PSMD1: variants seen among roughly 807,000 people sequenced by gnomAD.
PSMD1 encodes proteasome 26S subunit, non-ATPase 1, also known as 26S proteasome non-ATPase regulatory subunit 1.
PSMD1 carries 18 observed loss-of-function variants against 119.0 expected under a neutral mutation model. That is an observed-to-expected ratio of 0.15 (90% CI 0.10 to 0.22). PSMD1 has a LOEUF of 0.22. Among genes scored for constraint, PSMD1 ranks in the 10% least tolerant of loss-of-function variants. The probability of loss-of-function intolerance (pLI) is 1.00; values close to 1 mark genes in which losing one functional copy is unlikely to be tolerated. For missense variants in PSMD1, 702 were observed against 1,158.5 expected (o/e 0.61, Z 5.72); for synonymous variants, 374 against 396.6 (o/e 0.94, Z 0.68).
chr2:231,131,317 A>G (rs1452036436), intron 16 of PSMD1, among the ~76,000 whole-genome samples: 1 of 152,148 alleles, frequency 6.6e-6, no homozygotes, highest in Admixed American at 6.5e-5. Context: ...CGATCTATTC[A>G]TTATATGTTA....
chr2:231,112,315 G>C (rs909262190), intron 16 of PSMD1, among the ~76,000 whole-genome samples: 1 of 152,098 alleles, frequency 6.6e-6, no homozygotes, highest in Admixed American at 6.5e-5. Context: ...GCTGCTTTTG[G>C]GGGGCTGGTT....
chr2:231,125,650 T>C (rs1469260647), intron 16 of PSMD1, among the ~76,000 whole-genome samples: 5 of 152,336 alleles, frequency 3.3e-5, no homozygotes, highest in Non-Finnish European at 5.9e-5. Context: ...CAGCTTTTTT[T>C]CCCCATAGAC....
intron 17 of PSMD1, among the ~76,000 whole-genome samples, chr2:231,140,975 C>T (rs1352590287): frequency 1.3e-5 from 2 of 152,140 alleles, no homozygotes; most frequent in African/African-American, 2.4e-5. Flanking sequence ...TTGAGACCAG[C>T]CTGGGTAACT....
At chr2:231,105,222 T>G (rs529623122) in intron 16 of PSMD1, among the ~76,000 whole-genome samples, 249 of 152,282 alleles carry the variant, frequency 1.6e-3, no homozygotes, top group African/African-American at 5.5e-3. Flanking sequence ...AAGTAAAAAA[T>G]TAATTTGATA....
At chr2:231,165,844 G>C (rs764042575) in intron 22 of PSMD1, 27 bp from the exon 23 acceptor site, 7 of 1,532,198 alleles carry the variant, frequency 4.6e-6, no homozygotes, top group Non-Finnish European at 6.2e-6. Flanking sequence ...AACTTCTGTT[G>C]AACTTTTTTT....
At chr2:231,103,022 G>C (rs925103500) in intron 16 of PSMD1, among the ~76,000 whole-genome samples, 3 of 152,210 alleles carry the variant, frequency 2.0e-5, no homozygotes, top group Non-Finnish European at 2.9e-5. Context: ...GGTTCCCTGG[G>C]AGTGAATCTT....
chr2:231,106,291 G>T (rs1250005851), intron 16 of PSMD1, among the ~76,000 whole-genome samples: 2 of 152,136 alleles, frequency 1.3e-5, no homozygotes. Flanking sequence ...TAGTAGAAAG[G>T]TCTCTCATTA....
chr2:231,116,680 C>T (rs1166363043), intron 16 of PSMD1, among the ~76,000 whole-genome samples: 1 of 151,828 alleles, frequency 6.6e-6, no homozygotes, highest in African/African-American at 2.4e-5. Flanking sequence ...CCTATGAAGC[C>T]CTGTTAGCCT....
At chr2:231,111,371 A>C (rs939341743) in intron 16 of PSMD1, among the ~76,000 whole-genome samples, 1 of 151,912 alleles carries the variant, frequency 6.6e-6, no homozygotes. Context: ...CATTCTATTA[A>C]CTCATTCTAT....
chr2:231,166,048 ACCAGTG>A, intron 23 of PSMD1, 31 bp downstream of exon 23: 1 of 1,564,310 alleles, frequency 6.4e-7, no homozygotes, highest in Non-Finnish European at 8.7e-7. Context: ...AGCTGTATAT[ACCAGTG>A]GGATATTAAT....
intron 16 of PSMD1, among the ~76,000 whole-genome samples, chr2:231,137,405 G>A (rs901573924): frequency 1.3e-5 from 2 of 152,062 alleles, no homozygotes; most frequent in African/African-American, 4.8e-5. Context: ...ATGAGCCACT[G>A]TGCCCGCCTT....
Position 231,165,029 on chromosome 2 carries a change from TATATTTATATATATATATATATATATA to T in PSMD1, c.2482-170_2482-144del, listed in dbSNP as rs1559255826. On this transcript the variant is annotated intron_variant, in intron 21 of 24. Coordinates refer to ENST00000308696, the MANE Select transcript of PSMD1 (RefSeq NM_002807.4). ...TTTCCCATTTATTCTTTGATTTATA[TATATTTATATATATATATATATATATA>T]TATATATATATATATATATATATAT... is the stretch of plus-strand genomic sequence containing the variant. 62 of 24,654 alleles carry T rather than the reference TATATTTATATATATATATATATATATA, an allele frequency of 2.5e-3. 2 individuals carry two copies. The highest frequency in any genetic ancestry group is 0.024 in the African/African-American group (57 of 2,390). 1.5% of individuals were successfully genotyped at this position (24,654 alleles called of 1,614,324 possible). A position where few individuals can be genotyped will look rare whatever the true frequency, so the allele number is the denominator to read the frequency against.
chr2:231,061,117 T>G (rs1693746529), intron 1 of PSMD1, 150 bp from the exon 2 acceptor site: 5 of 568,020 alleles, frequency 8.8e-6, no homozygotes, highest in Non-Finnish European at 1.6e-5. Context: ...GATATAAACC[T>G]TTACACTTTC....
chr2:231,168,647 G>A (rs930384251), intron 23 of PSMD1, among the ~76,000 whole-genome samples: 3 of 152,228 alleles, frequency 2.0e-5, no homozygotes, highest in African/African-American at 7.2e-5. Context: ...ACAGGGGAAG[G>A]GGAGAATGGA....
chr2:231,095,936 C>A (rs1574724764), intron 16 of PSMD1, among the ~76,000 whole-genome samples: 1 of 152,172 alleles, frequency 6.6e-6, no homozygotes, highest in Non-Finnish European at 1.5e-5. Context: ...TCAACTAATT[C>A]ATGGGCTCTT....
At chr2:231,166,954 A>G (rs1226903064) in intron 23 of PSMD1, among the ~76,000 whole-genome samples, 7 of 152,188 alleles carry the variant, frequency 4.6e-5, no homozygotes, top group East Asian at 1.9e-4. Context: ...TTTTATTTCT[A>G]CTGTTAGCTG....
In PSMD1 at chr2:231,139,124, G is replaced by GTT. The variant is rs200942453; in HGVS notation, c.1998+281_1998+282dup. The GTT allele has an allele frequency of 1.9e-4, 83 of 441,924 alleles. 2 individuals are homozygous for GTT. The highest frequency in any genetic ancestry group is 1.6e-3 in the South Asian group (78 of 47,738). The allele number at this position is 441,924 out of a possible 1,614,324, so 27.4% of individuals were successfully genotyped here. A position where few individuals can be genotyped will look rare whatever the true frequency, so the allele number is the denominator to read the frequency against. On this transcript the variant is annotated intron_variant, in intron 17 of 24. Transcript: ENST00000308696. ...ATTGATTTCTGGGTTTTTTGTTTTTGTTTTTTTTGTTTGTTTATTTGTTTT... is the reference window on the plus strand; with the variant it reads ...ATTGATTTCTGGGTTTTTTGTTTTTGTTTTTTTTTTGTTTGTTTATTTGTTTT...
At chr2:231,071,194 C>T (rs192113446) in intron 6 of PSMD1, among the ~76,000 whole-genome samples, 2 of 151,990 alleles carry the variant, frequency 1.3e-5, no homozygotes, top group Admixed American at 6.5e-5. Flanking sequence ...TAGTAGTTCC[C>T]TGCCCTCTTC....
rs971711980 is a variant in PSMD1, at chr2:231,075,447, A to G, written c.882-64A>G. The G allele has an allele frequency of 6.4e-6, 9 of 1,405,048 alleles. No homozygotes were observed. The Admixed American group carries it at 1.4e-4, about 23-fold the overall frequency. 87.0% of individuals were successfully genotyped at this position (1,405,048 alleles called of 1,614,324 possible). On this transcript the variant is annotated intron_variant, in intron 7 of 24. Transcript: ENST00000308696. The stretch of plus-strand genomic sequence containing the variant: ...AAAATATTCAATTTGGACATGGTTC[A>G]GATCTGTGGTATAAACAAATTGTAC...
Sources: allele counts gnomAD v4.1 joint callset (sites outside exome capture counted in the v4.1 genomes callset), GRCh38; gene constraint gnomAD v4.1.1; transcripts MANE v1.5; gene names NCBI Gene and HGNC (gene_info 2026-07-23, HGNC 2026-07-21).